The following GMDS variants were observed in gnomAD, a reference collection of about 807,000 sequenced individuals.
GMDS encodes GDP-mannose 4,6 dehydratase.
Under a neutral mutation model 49.9 loss-of-function variants are expected in GMDS, and 20 were observed. The observed-to-expected ratio is 0.40, with a 90% CI of 0.28 to 0.58. The LOEUF (loss-of-function observed/expected upper bound fraction) is 0.58, where lower values mean the gene tolerates loss of function less well. Ranked by LOEUF, GMDS falls within the 20% of genes least tolerant of loss-of-function variation. The probability of loss-of-function intolerance (pLI) is 0.42; values close to 1 mark genes in which losing one functional copy is unlikely to be tolerated. For synonymous variants in GMDS, 177 were observed against 178.6 expected, an observed-to-expected ratio of 0.99 and a Z score of 0.07; for missense variants, 362 against 481.4, an observed-to-expected ratio of 0.75 and a Z score of 2.32.
intron 9 of GMDS, among the ~76,000 whole-genome samples, chr6:1,706,619 A>C (rs770658780): frequency 5.9e-5 from 9 of 152,190 alleles, no homozygotes; most frequent in Admixed American, 2.0e-4. Context: ...TGAACACAAC[A>C]CTGCTGTTAA....
intron 1 of GMDS, among the ~76,000 whole-genome samples, chr6:2,165,007 T>C (rs1323937472): frequency 2.0e-5 from 3 of 152,238 alleles, no homozygotes; most frequent in South Asian, 4.1e-4. Flanking sequence ...TGGTGATATC[T>C]TGTATATCTC....
At chr6:2,180,031 T>G (rs937645245) in intron 1 of GMDS, among the ~76,000 whole-genome samples, 1 of 152,204 alleles carries the variant, frequency 6.6e-6, no homozygotes, top group Admixed American at 6.5e-5. Flanking sequence ...ACAGGTTAAC[T>G]GCAGGTGGAC....
At chr6:1,758,529 G>C (rs1423235594) in intron 7 of GMDS, among the ~76,000 whole-genome samples, 1 of 152,198 alleles carries the variant, frequency 6.6e-6, no homozygotes, top group African/African-American at 2.4e-5. Flanking sequence ...ACGTTAGCGT[G>C]CATTAGAATC....
chr6:1,872,179 T>C (rs1208388458), intron 7 of GMDS, among the ~76,000 whole-genome samples: 3 of 152,214 alleles, frequency 2.0e-5, no homozygotes. Flanking sequence ...GCACAAACAC[T>C]GGCCGGAATG....
intron 7 of GMDS, among the ~76,000 whole-genome samples, chr6:1,857,066 G>A (rs532569405): frequency 3.3e-5 from 5 of 152,338 alleles, no homozygotes; most frequent in African/African-American, 1.2e-4. Context: ...GTGCTTTCCA[G>A]AGGGAATGAG....
chr6:2,225,530 T>G (rs1386768638), intron 1 of GMDS, among the ~76,000 whole-genome samples: 2 of 152,174 alleles, frequency 1.3e-5, no homozygotes, highest in African/African-American at 4.8e-5. Context: ...ATAAGTTCAT[T>G]CTGAAGAGTC....
At chr6:1,952,768 G>C (rs147659435) in intron 6 of GMDS, among the ~76,000 whole-genome samples, 4 of 152,252 alleles carry the variant, frequency 2.6e-5, no homozygotes, top group Non-Finnish European at 5.9e-5. Flanking sequence ...TCCACAGGGA[G>C]AGAGAATGCT....
rs916777807 is a variant in GMDS at position 1,914,140 on chromosome 6, T to G, written c.771+15963A>C. ...AAAGCGTTTTTTGTTTGTTTTTTTT[T>G]TTTTTTTTTTTTTTTTTAATTAAGA... On this transcript the variant is annotated intron_variant, in intron 7 of 10. Coordinates refer to ENST00000380815, the MANE Select transcript of GMDS (RefSeq NM_001500.4). 6.1e-5 allele frequency among the ~76,000 whole-genome samples: 9 copies of G among 146,490 alleles called. No homozygotes were observed. The East Asian group carries it at 1.2e-3, about 19-fold the overall frequency.
In GMDS at chr6:1,890,942, G is replaced by A. The variant is rs534716899; in HGVS notation, c.771+39161C>T. On this transcript the variant is annotated intron_variant, in intron 7 of 10. Transcript: ENST00000380815. Reference sequence around the variant, plus strand: ...TACATTTCCAGCTAGGATCCATTTTGAGTTAATTTTTGTGACGTTCCTTCC... The same window carrying A: ...TACATTTCCAGCTAGGATCCATTTTAAGTTAATTTTTGTGACGTTCCTTCC... 3.3e-5 allele frequency among the ~76,000 whole-genome samples: 5 copies of A among 152,256 alleles called. No individual in the cohort carries two copies. The East Asian group carries it at 9.6e-4, about 29-fold the overall frequency.
chr6:1,852,035 G>A (rs766397807), intron 7 of GMDS, among the ~76,000 whole-genome samples: 2 of 152,234 alleles, frequency 1.3e-5, no homozygotes, highest in East Asian at 1.9e-4. Flanking sequence ...TGAAGGGAGC[G>A]AGAAAGAGAT....
chr6:1,793,454 C>T (rs1769619594), intron 7 of GMDS, among the ~76,000 whole-genome samples: 1 of 152,174 alleles, frequency 6.6e-6, no homozygotes, highest in Admixed American at 6.5e-5. Flanking sequence ...TGACCTCTTT[C>T]AAGAAGTTCA....
chr6:1,675,656 T>A (rs190074287), intron 9 of GMDS, among the ~76,000 whole-genome samples: 1 of 152,126 alleles, frequency 6.6e-6, no homozygotes, highest in Non-Finnish European at 1.5e-5. Context: ...ATTGAGACCA[T>A]CCTGGCTAAC....
intron 7 of GMDS, among the ~76,000 whole-genome samples, chr6:1,892,603 C>T (rs1759924366): frequency 6.6e-6 from 1 of 152,192 alleles, no homozygotes; most frequent in South Asian, 2.1e-4. Flanking sequence ...AGGTGATCTA[C>T]TTGCCTTGGC....
intron 9 of GMDS, among the ~76,000 whole-genome samples, chr6:1,683,618 G>A (rs1309587177): frequency 2.0e-5 from 3 of 152,142 alleles, no homozygotes; most frequent in Non-Finnish European, 4.4e-5. Flanking sequence ...GATGAGGATC[G>A]GTTATTACAT....
In GMDS at chr6:2,191,767, T is replaced by C. The variant is rs1406312358; in HGVS notation, c.102+53554A>G. 2.6e-5 allele frequency among the ~76,000 whole-genome samples: 4 copies of C among 152,138 alleles called. No homozygotes were observed. Among genetic ancestry groups the C allele is most frequent in the Admixed American group, 6.5e-5 (1 of 15,290 alleles). On this transcript the variant is annotated intron_variant, in intron 1 of 10. Transcript: ENST00000380815. The surrounding 1 kb of genome is among the most constrained non-coding windows in gnomAD (Gnocchi z 4.6). ...TTGATGCTGGCCTGCAGGTACCCCA[T>C]GGATGAGCAGCCTGGGTACCACAGA...
chr6:1,945,558 T>C (rs1008417872), intron 6 of GMDS, among the ~76,000 whole-genome samples: 3 of 152,174 alleles, frequency 2.0e-5, no homozygotes, highest in Non-Finnish European at 4.4e-5. Flanking sequence ...ATTTAGAGTA[T>C]GCACATACGG....
intron 9 of GMDS, among the ~76,000 whole-genome samples, chr6:1,718,166 C>T (rs1181723322): frequency 6.6e-6 from 1 of 152,142 alleles, no homozygotes; most frequent in Non-Finnish European, 1.5e-5. Context: ...AATGCTCCTT[C>T]AGGGAGTTTA....
At chr6:1,738,468 T>C (rs367785759) in intron 8 of GMDS, among the ~76,000 whole-genome samples, 19 of 152,212 alleles carry the variant, frequency 1.2e-4, no homozygotes, top group African/African-American at 4.1e-4. Flanking sequence ...ATTCTAAATA[T>C]ACAGATGGCG....
At chr6:2,007,375 G>A (rs1021714213) in intron 4 of GMDS, among the ~76,000 whole-genome samples, 4 of 151,852 alleles carry the variant, frequency 2.6e-5, no homozygotes, top group Admixed American at 2.0e-4. Context: ...GTACACTTCC[G>A]GTAAAACATG....
Sources: gnomAD v4.1 joint callset for allele counts (sites outside exome capture counted in the v4.1 genomes callset) on GRCh38, gnomAD v4.1.1 for gene constraint, Gnocchi (gnomAD v3.1) non-coding constraint, MANE v1.5 for transcripts, NCBI Gene and HGNC (gene_info 2026-07-23, HGNC 2026-07-21) for gene names.